Variants in DAB1 observed in about 807,000 individuals in gnomAD.
The protein encoded by DAB1 is disabled homolog 1.
DAB1 carries 15 observed loss-of-function variants against 64.6 expected under a neutral mutation model. The ratio of observed to expected loss-of-function variants is 0.23; its 90% CI spans 0.16 to 0.36. The LOEUF (loss-of-function observed/expected upper bound fraction) is 0.36. Ranked by LOEUF, DAB1 falls within the 10% of genes least tolerant of loss-of-function variation. The pLI is 1.00. For missense variants in DAB1, 596 were observed against 706.7 expected (o/e 0.84, Z 1.78); for synonymous variants, 235 against 251.9 (o/e 0.93, Z 0.64).
At chr1:57,507,329 C>G (rs1644355813) in intron 7 of DAB1, among the ~76,000 whole-genome samples, 1 of 152,212 alleles carries the variant, frequency 6.6e-6, no homozygotes, top group East Asian at 1.9e-4. Flanking sequence ...TCACTCCTCT[C>G]TCTTTGCCAT....
rs1055668947 is a variant in DAB1, at chr1:58,028,280, C to T, written n.387+122231G>A. Among the ~76,000 whole-genome samples, 12 of 152,178 alleles carry T rather than the reference C, an allele frequency of 7.9e-5. 1 individual carries two copies. Among genetic ancestry groups the T allele is most frequent in the African/African-American group, 2.7e-4 (11 of 41,448 alleles). On this transcript the variant is annotated intron_variant and non_coding_transcript_variant, in intron 5 of 20. Transcript: ENST00000485760. Reference sequence around the variant, plus strand: ...AAACATTTTCATCAACTGATCAATACGTAACATTGTTTTATGTGTTTCTGT... The same window carrying T: ...AAACATTTTCATCAACTGATCAATATGTAACATTGTTTTATGTGTTTCTGT...
chr1:57,661,836 C>T (rs945360303), intron 6 of DAB1, among the ~76,000 whole-genome samples: 1 of 151,486 alleles, frequency 6.6e-6, no homozygotes, highest in Non-Finnish European at 1.5e-5. Context: ...ATTTTTGATT[C>T]GTGGTTGGTG....
chr1:57,042,240 G>A (rs111456830), intron 9 of DAB1, among the ~76,000 whole-genome samples: 38 of 152,270 alleles, frequency 2.5e-4, no homozygotes, highest in African/African-American at 8.2e-4. Context: ...CTGAAAGAGC[G>A]TTATCCTCGA....
At chr1:57,733,392 A>T (rs1169426357) in intron 6 of DAB1, among the ~76,000 whole-genome samples, 1 of 152,028 alleles carries the variant, frequency 6.6e-6, no homozygotes, top group Non-Finnish European at 1.5e-5. Context: ...ATTCATTGAT[A>T]TATCCAAAGT....
At chr1:58,185,224 T>C (rs1479188108) in intron 4 of DAB1, among the ~76,000 whole-genome samples, 2 of 152,154 alleles carry the variant, frequency 1.3e-5, no homozygotes, top group African/African-American at 4.8e-5. Flanking sequence ...CTTCCTATGG[T>C]CTAAAAAATG....
chr1:57,348,665 G>A (rs1256294277), intron 1 of DAB1, among the ~76,000 whole-genome samples: 4 of 152,082 alleles, frequency 2.6e-5, no homozygotes, highest in Non-Finnish European at 4.4e-5. Flanking sequence ...AAGCCAACTA[G>A]AATGCCTCTT....
chr1:58,473,367 C>A lies in DAB1; in HGVS notation n.257+32693G>T, dbSNP rs547073210. Among the ~76,000 whole-genome samples the A allele has an allele frequency of 7.7e-3, 1,167 of 151,844 alleles. 20 individuals carry two copies. Among genetic ancestry groups the A allele is most frequent in the African/African-American group, 0.027 (1,117 of 41,366 alleles). On this transcript the variant is annotated intron_variant and non_coding_transcript_variant, in intron 3 of 20. Coordinates refer to the DAB1 transcript ENST00000485760. ...ACCATCCTGGCTAACAAGGTGAAAC[C>A]CCGTCTCTACTAAAAATACAAAAAA...
intron 1 of DAB1, among the ~76,000 whole-genome samples, chr1:57,348,914 A>C (rs1323825952): frequency 6.6e-6 from 1 of 152,136 alleles, no homozygotes; most frequent in Non-Finnish European, 1.5e-5. Context: ...CTCTGCCCAG[A>C]CACCATGCTC....
At chr1:57,984,255 AG>A (rs1350889215) in intron 5 of DAB1, among the ~76,000 whole-genome samples, 98 of 144,838 alleles carry the variant, frequency 6.8e-4, no homozygotes, top group African/African-American at 1.5e-3. Flanking sequence ...AAAGAAAGAA[AG>A]AAAGAAAAAA....
At chr1:57,902,442 T>TA (rs1349513720) in intron 5 of DAB1, among the ~76,000 whole-genome samples, 2 of 140,194 alleles carry the variant, frequency 1.4e-5, no homozygotes, top group Non-Finnish European at 1.6e-5. Flanking sequence ...CTTGGTACAT[T>TA]AAAGAATTAT....
At position 57,728,551 on chromosome 1, in the gene DAB1, G is replaced by A. The variant is rs531381981; in HGVS notation, n.552-78886C>T. 1.3e-4 allele frequency among the ~76,000 whole-genome samples: 19 copies of A among 151,722 alleles called. No individual in the cohort carries two copies. In the East Asian group the frequency reaches 1.9e-3, roughly 16 times the overall value. ...AGAATTTGCAGTGAGCCGAGATCACGTCACCGTACTCCAGCCTGGGCCACA... is the reference window on the plus strand; with the variant it reads ...AGAATTTGCAGTGAGCCGAGATCACATCACCGTACTCCAGCCTGGGCCACA... On this transcript the variant is annotated intron_variant and non_coding_transcript_variant, in intron 6 of 20. Transcript: ENST00000485760.
chr1:58,492,949 C>A (rs1320751885), intron 3 of DAB1, among the ~76,000 whole-genome samples: 6 of 152,066 alleles, frequency 3.9e-5, no homozygotes, highest in Non-Finnish European at 7.4e-5. Context: ...CAAAGCCTGG[C>A]AGAGACACAA....
At chr1:58,053,209 C>A (rs1647807654) in intron 5 of DAB1, among the ~76,000 whole-genome samples, 1 of 152,172 alleles carries the variant, frequency 6.6e-6, no homozygotes, top group South Asian at 2.1e-4. Context: ...ACTCTTGGTA[C>A]CAGTTTTCTT....
At chr1:57,743,074 T>C (rs1648079415) in intron 6 of DAB1, among the ~76,000 whole-genome samples, 1 of 152,164 alleles carries the variant, frequency 6.6e-6, no homozygotes, top group African/African-American at 2.4e-5. Context: ...TGCTCCTTTA[T>C]TGTCCCTAGG....
intron 2 of DAB1, among the ~76,000 whole-genome samples, chr1:57,157,570 A>AG (rs1660348031): frequency 6.8e-6 from 1 of 148,086 alleles, no homozygotes; most frequent in Non-Finnish European, 1.5e-5. Context: ...TGCACTGAGA[A>AG]AGAGAGAGAG....
intron 4 of DAB1, among the ~76,000 whole-genome samples, chr1:57,120,897 A>C (rs1023023971): frequency 6.6e-6 from 1 of 152,164 alleles, no homozygotes; most frequent in South Asian, 2.1e-4. Context: ...AGCACATTTA[A>C]TAAGCACTAT....
At chr1:57,037,074 C>T (rs1480126029) in intron 9 of DAB1, among the ~76,000 whole-genome samples, 1 of 152,168 alleles carries the variant, frequency 6.6e-6, no homozygotes, top group Non-Finnish European at 1.5e-5. Context: ...ATGCCAGAGC[C>T]ACATCATCAG....
At chr1:58,387,232 T>C (rs958192263) in intron 3 of DAB1, among the ~76,000 whole-genome samples, 44 of 152,294 alleles carry the variant, frequency 2.9e-4, no homozygotes, top group Non-Finnish European at 1.9e-4. Context: ...AAGGGAAAGG[T>C]TCCCCTCCAC....
At chr1:57,230,129 A>T (rs1182001015) in intron 2 of DAB1, among the ~76,000 whole-genome samples, 1 of 152,224 alleles carries the variant, frequency 6.6e-6, no homozygotes, top group East Asian at 1.9e-4. Flanking sequence ...GTGATTACAG[A>T]TGATTTCTCT....
Sources: allele counts gnomAD v4.1 joint callset (sites outside exome capture counted in the v4.1 genomes callset), GRCh38; gene constraint gnomAD v4.1.1; transcripts MANE v1.5; gene names NCBI Gene and HGNC (gene_info 2026-07-23, HGNC 2026-07-21).